Variants in PTPRD observed in about 807,000 individuals in gnomAD.
The protein encoded by PTPRD is protein tyrosine phosphatase receptor type D.
A neutral mutation model predicts 214.5 loss-of-function variants in PTPRD; 34 were observed. The observed-to-expected ratio is 0.16, with a 90% confidence interval of 0.12 to 0.21. The LOEUF (loss-of-function observed/expected upper bound fraction) is 0.21. Ranked by LOEUF, PTPRD falls within the 10% of genes least tolerant of loss-of-function variation. The pLI, the probability that PTPRD is intolerant of heterozygous loss-of-function variation, is 1.00. For missense variants in PTPRD, 2,545 were observed against 2,398.7 expected, an observed-to-expected ratio of 1.06 and a Z score of -1.27; for synonymous variants, 1,128 against 845.7, an observed-to-expected ratio of 1.33 and a Z score of -5.79.
chr9:8,509,401 A>G (rs373934591), intron 21 of PTPRD, among the ~76,000 whole-genome samples: 3 of 152,298 alleles, frequency 2.0e-5, no homozygotes, highest in African/African-American at 7.2e-5. Context: ...ATGCCTATGT[A>G]TGCAGTCACT....
At chr9:8,320,029 TG>T in intron 44 of PTPRD, 63 bp from the exon 45 acceptor site, 1 of 1,582,502 alleles carries the variant, frequency 6.3e-7, no homozygotes, top group Non-Finnish European at 8.6e-7. Context: ...CACATTTGCT[TG>T]GGTGTGGACA....
intron 9 of PTPRD, among the ~76,000 whole-genome samples, chr9:9,286,873 A>AATGAATATATAT (rs1555176928): frequency 5.2e-5 from 4 of 77,092 alleles, no homozygotes; most frequent in South Asian, 4.9e-4. Flanking sequence ...GAAACTACTG[A>AATGAATATATAT]ATATATATAT....
intron 7 of PTPRD, among the ~76,000 whole-genome samples, chr9:9,600,397 T>C (rs147750157): frequency 2.8e-3 from 352 of 126,180 alleles, no homozygotes; most frequent in African/African-American, 1.0e-2. Context: ...TGGATCATTA[T>C]GCATTCATTC....
In PTPRD at chr9:9,506,990, G is replaced by C. The variant is rs1439035258; in HGVS notation, c.-237+67742C>G. The stretch of plus-strand genomic sequence containing the variant: ...GGATGTACTCAAAGATTATATACAA[G>C]TATACTTGTCTTAGTTCCATATGTC... On this transcript the variant is annotated intron_variant, in intron 8 of 45. Transcript: ENST00000381196. 2.6e-5 allele frequency among the ~76,000 whole-genome samples: 4 copies of C among 151,354 alleles called. No homozygotes were observed. The South Asian group carries it at 6.2e-4, about 24-fold the overall frequency.
At chr9:8,710,351 T>TTA (rs1158720313) in intron 12 of PTPRD, among the ~76,000 whole-genome samples, 1 of 152,180 alleles carries the variant, frequency 6.6e-6, no homozygotes, top group Admixed American at 6.5e-5. Context: ...GCAGGGTGGC[T>TTA]TATGCCTGTA....
chr9:8,575,990 A>G (rs1398945974), intron 14 of PTPRD, among the ~76,000 whole-genome samples: 1 of 152,212 alleles, frequency 6.6e-6, no homozygotes, highest in African/African-American at 2.4e-5. Flanking sequence ...GTTTACATTT[A>G]CAAATGAGAT....
intron 11 of PTPRD, among the ~76,000 whole-genome samples, chr9:8,808,951 A>G (rs2096744417): frequency 6.6e-6 from 1 of 152,192 alleles, no homozygotes; most frequent in African/African-American, 2.4e-5. Context: ...TAACACTGTG[A>G]GATGGAACAC....
At chr9:8,870,381 T>C (rs1297698602) in intron 11 of PTPRD, among the ~76,000 whole-genome samples, 1 of 152,000 alleles carries the variant, frequency 6.6e-6, no homozygotes, top group Non-Finnish European at 1.5e-5. Flanking sequence ...GAGAAGAGTA[T>C]TTTGATTTTA....
chr9:10,608,579 T>A (rs1278075850), intron 2 of PTPRD, among the ~76,000 whole-genome samples: 1 of 152,100 alleles, frequency 6.6e-6, no homozygotes, highest in East Asian at 1.9e-4. Context: ...GCAACTTCAG[T>A]TATATTCAGT....
At chr9:9,363,836 C>G (rs1460451928) in intron 9 of PTPRD, among the ~76,000 whole-genome samples, 1 of 151,350 alleles carries the variant, frequency 6.6e-6, no homozygotes, top group East Asian at 1.9e-4. Flanking sequence ...GGTCCAGCGA[C>G]AGTAAATAAC....
intron 7 of PTPRD, among the ~76,000 whole-genome samples, chr9:9,688,663 G>GC (rs2097208191): frequency 6.6e-6 from 1 of 151,820 alleles, no homozygotes; most frequent in Non-Finnish European, 1.5e-5. Context: ...GGCCAGTGAG[G>GC]CCACTAGTCC....
intron 2 of PTPRD, among the ~76,000 whole-genome samples, chr9:10,365,193 C>A (rs1041058248): frequency 6.6e-6 from 1 of 152,152 alleles, no homozygotes; most frequent in Non-Finnish European, 1.5e-5. Context: ...TTGATACTCT[C>A]CTCAGACAGG....
At chr9:9,996,096 A>T (rs1013037419) in intron 4 of PTPRD, among the ~76,000 whole-genome samples, 34 of 131,728 alleles carry the variant, frequency 2.6e-4, no homozygotes, top group African/African-American at 8.4e-4. Flanking sequence ...TTCATGACAC[A>T]TGTATTAAAT....
intron 9 of PTPRD, among the ~76,000 whole-genome samples, chr9:9,315,857 T>G (rs34274569): frequency 1.5e-3 from 221 of 147,964 alleles, no homozygotes; most frequent in Middle Eastern, 3.6e-3. Context: ...TTTTTTTTTT[T>G]GCTACATGTG....
chr9:8,324,849 C>A (rs948385161), intron 44 of PTPRD, among the ~76,000 whole-genome samples: 4 of 152,128 alleles, frequency 2.6e-5, no homozygotes, highest in African/African-American at 9.7e-5. Context: ...CTCTAATGAC[C>A]AGTGATAGTG....
At chr9:8,970,861 G>A (rs2154331795) in intron 11 of PTPRD, among the ~76,000 whole-genome samples, 1 of 151,748 alleles carries the variant, frequency 6.6e-6, no homozygotes, top group African/African-American at 2.4e-5. Context: ...ATACTTCTGA[G>A]TTGAAGAGAG....
intron 11 of PTPRD, among the ~76,000 whole-genome samples, chr9:8,973,986 T>C (rs1472482658): frequency 6.6e-6 from 1 of 152,134 alleles, no homozygotes; most frequent in Non-Finnish European, 1.5e-5. Context: ...ATTGAAAGTA[T>C]GTTCTCCCAT....
At chr9:10,594,268 A>AT (rs140122784) in intron 2 of PTPRD, among the ~76,000 whole-genome samples, 22,586 of 151,930 alleles carry the variant, frequency 0.15, 1,877 homozygotes, top group Non-Finnish European at 0.2. Context: ...AGGAGAAATT[A>AT]TATTGCACAT....
chr9:9,743,654 A>G (rs796643688), intron 6 of PTPRD, among the ~76,000 whole-genome samples: 10 of 151,980 alleles, frequency 6.6e-5, no homozygotes, highest in African/African-American at 2.4e-4. Flanking sequence ...TCATGTTAAG[A>G]CAGAAGAAGA....
Sources: allele counts gnomAD v4.1 joint callset (sites outside exome capture counted in the v4.1 genomes callset), GRCh38; gene constraint gnomAD v4.1.1; transcripts MANE v1.5; gene names NCBI Gene and HGNC (gene_info 2026-07-23, HGNC 2026-07-21).